The following SLC9A2 variants were observed in gnomAD, a reference collection of about 807,000 sequenced individuals.
SLC9A2 encodes sodium/hydrogen exchanger 2.
A neutral mutation model predicts 71.7 loss-of-function variants in SLC9A2; 42 were observed. The ratio of observed to expected loss-of-function variants is 0.59; its 90% confidence interval spans 0.46 to 0.76. SLC9A2 has a LOEUF of 0.76. Ranked by LOEUF, SLC9A2 falls within the 30% of genes least tolerant of loss-of-function variation. The pLI, the probability that SLC9A2 is intolerant of heterozygous loss-of-function variation, is 0.00. For missense variants in SLC9A2, 829 were observed against 1,017.4 expected, an observed-to-expected ratio of 0.81 and a Z score of 2.52; for synonymous variants, 396 against 392.5, an observed-to-expected ratio of 1.01 and a Z score of -0.10.
At chr2:102,702,894 G>A (rs576744883) in intron 9 of SLC9A2, among the ~76,000 whole-genome samples, 4 of 152,258 alleles carry the variant, frequency 2.6e-5, no homozygotes, top group African/African-American at 7.2e-5. Context: ...CTTTCACTTC[G>A]TTTCCATTGT....
chr2:102,679,916 T>C (rs1018598516), intron 3 of SLC9A2, among the ~76,000 whole-genome samples: 12 of 152,330 alleles, frequency 7.9e-5, no homozygotes, highest in African/African-American at 2.4e-4. Context: ...GGGGTGAATA[T>C]GAGAAGTCAA....
intron 3 of SLC9A2, among the ~76,000 whole-genome samples, chr2:102,674,966 G>T (rs1316593703): frequency 2.0e-5 from 3 of 152,186 alleles, no homozygotes; most frequent in Non-Finnish European, 4.4e-5. Flanking sequence ...TACCCTGCCA[G>T]GTCCTGTTAG....
intron 3 of SLC9A2, among the ~76,000 whole-genome samples, chr2:102,677,995 C>T (rs1677373928): frequency 1.5e-5 from 1 of 66,234 alleles, no homozygotes; most frequent in African/African-American, 4.3e-5. Context: ...GCTGCTTTTC[C>T]CTGAATTACT....
chr2:102,702,595 A>G, intron 9 of SLC9A2, 93 bp downstream of exon 9: 1 of 740,002 alleles, frequency 1.4e-6, no homozygotes, highest in Middle Eastern at 2.4e-4. Flanking sequence ...GCATCTTGAC[A>G]CTGGGCTCAG....
chr2:102,646,926 G>A (rs1213144854), intron 1 of SLC9A2, among the ~76,000 whole-genome samples: 1 of 151,906 alleles, frequency 6.6e-6, no homozygotes, highest in Non-Finnish European at 1.5e-5. Context: ...AATTAACAAG[G>A]ATAGTCAGGA....
intron 1 of SLC9A2, among the ~76,000 whole-genome samples, chr2:102,628,736 A>T (rs560279711): frequency 3.2e-4 from 48 of 152,054 alleles, no homozygotes; most frequent in Admixed American, 3.0e-3. Flanking sequence ...AGTTTTAGAG[A>T]TAGGTTCTCA....
chr2:102,676,434 T>C (rs1677346177), intron 3 of SLC9A2, among the ~76,000 whole-genome samples: 1 of 152,182 alleles, frequency 6.6e-6, no homozygotes, highest in African/African-American at 2.4e-5. Flanking sequence ...TCTATAAACA[T>C]TAGTTGAATT....
intron 7 of SLC9A2, among the ~76,000 whole-genome samples, chr2:102,699,536 C>T (rs182109353): frequency 2.6e-5 from 4 of 152,202 alleles, no homozygotes; most frequent in Admixed American, 1.3e-4. Context: ...TACAAGAATC[C>T]GAGAGAGAAT....
chr2:102,695,758 G>A (rs1422985903), intron 7 of SLC9A2, among the ~76,000 whole-genome samples: 1 of 92,662 alleles, frequency 1.1e-5, no homozygotes, highest in Non-Finnish European at 2.5e-5. Flanking sequence ...GAAATAACGT[G>A]TATATATATA....
chr2:102,630,970 T>G (rs2104499879), intron 1 of SLC9A2, among the ~76,000 whole-genome samples: 2 of 152,214 alleles, frequency 1.3e-5, no homozygotes, highest in South Asian at 4.1e-4. Flanking sequence ...CTTATGTAGA[T>G]TGTAGTTTTA....
rs367769542 is a variant in SLC9A2, at chr2:102,677,072, C to G, written c.1005-6189C>G. ...TTAACAAGCATTAATTGAACTTGTACTTGGTACCACTATAGGCACAGACCA... is the reference window on the plus strand; with the variant it reads ...TTAACAAGCATTAATTGAACTTGTAGTTGGTACCACTATAGGCACAGACCA... On this transcript the variant is annotated intron_variant, in intron 3 of 11. Coordinates refer to ENST00000233969, the MANE Select transcript of SLC9A2 (RefSeq NM_003048.6). 1.8e-4 allele frequency among the ~76,000 whole-genome samples: 27 copies of G among 152,280 alleles called. No individual in the cohort carries two copies. The East Asian group carries it at 4.8e-3, about 27-fold the overall frequency.
chr2:102,651,200 G>A (rs774050353), intron 1 of SLC9A2, among the ~76,000 whole-genome samples: 1 of 152,216 alleles, frequency 6.6e-6, no homozygotes, highest in East Asian at 1.9e-4. Flanking sequence ...CTGGATTGCT[G>A]AAAAAGACTC....
At chr2:102,685,332 C>A (rs1677528653) in intron 5 of SLC9A2, among the ~76,000 whole-genome samples, 1 of 152,160 alleles carries the variant, frequency 6.6e-6, no homozygotes, top group Non-Finnish European at 1.5e-5. Context: ...TCATGCAGGG[C>A]CATGCAGCCC....
intron 3 of SLC9A2, among the ~76,000 whole-genome samples, chr2:102,665,888 T>G (rs1443477240): frequency 6.6e-6 from 1 of 150,620 alleles, no homozygotes; most frequent in East Asian, 2.0e-4. Flanking sequence ...GATAGAAAGC[T>G]GCTTAAACAT....
At chr2:102,680,147 T>G (rs1416606444) in intron 3 of SLC9A2, among the ~76,000 whole-genome samples, 1 of 140,088 alleles carries the variant, frequency 7.1e-6, no homozygotes, top group Non-Finnish European at 1.6e-5. Flanking sequence ...ACAAATTTTC[T>G]ACTTGGCAAC....
chr2:102,622,754 TATC>T (rs1442555165), intron 1 of SLC9A2, among the ~76,000 whole-genome samples: 1 of 152,208 alleles, frequency 6.6e-6, no homozygotes, highest in African/African-American at 2.4e-5. Context: ...CCATCCATAC[TATC>T]ATCATTAGTA....
chr2:102,665,660 G>C (rs895901501), intron 3 of SLC9A2, among the ~76,000 whole-genome samples: 2 of 150,276 alleles, frequency 1.3e-5, no homozygotes, highest in East Asian at 4.0e-4. Flanking sequence ...TGTAGTCCCA[G>C]CTACTCGGGA....
intron 7 of SLC9A2, among the ~76,000 whole-genome samples, chr2:102,697,024 G>A (rs1677781194): frequency 6.6e-6 from 1 of 152,124 alleles, no homozygotes. Flanking sequence ...TGTTTTCATA[G>A]TAATGCCTAT....
At chr2:102,669,026 G>GAAATCT (rs1460099336) in intron 3 of SLC9A2, among the ~76,000 whole-genome samples, 1 of 152,212 alleles carries the variant, frequency 6.6e-6, no homozygotes, top group Non-Finnish European at 1.5e-5. Context: ...GCTTTTAGAG[G>GAAATCT]AAAGTGCTGG....
Sources: gnomAD v4.1 joint callset for allele counts (sites outside exome capture counted in the v4.1 genomes callset) on GRCh38, gnomAD v4.1.1 for gene constraint, MANE v1.5 for transcripts, NCBI Gene and HGNC (gene_info 2026-07-23, HGNC 2026-07-21) for gene names.